Variants in GRIK4 observed in about 807,000 individuals in gnomAD.
GRIK4 encodes the protein glutamate receptor ionotropic, kainate 4.
In GRIK4, 40 loss-of-function variants were observed where a neutral mutation model predicts 104.9. That is an observed-to-expected ratio of 0.38 (90% CI 0.30 to 0.50). The LOEUF is 0.50. GRIK4 is among the 20% of genes least tolerant of loss of function. GRIK4 has a pLI of 0.93. For missense variants in GRIK4, 1,047 were observed against 1,308.1 expected, an observed-to-expected ratio of 0.80 and a Z score of 3.08; for synonymous variants, 485 against 524.9, an observed-to-expected ratio of 0.92 and a Z score of 1.04.
intron 1 of GRIK4, among the ~76,000 whole-genome samples, chr11:120,556,667 G>T (rs1948189445): frequency 6.6e-6 from 1 of 152,078 alleles, no homozygotes; most frequent in Non-Finnish European, 1.5e-5. Flanking sequence ...TTGGGAATGG[G>T]CTTAACCCGT....
chr11:120,873,832 A>G (rs1954681022), intron 9 of GRIK4: 3 of 463,238 alleles, frequency 6.5e-6, no homozygotes, highest in Non-Finnish European at 7.7e-6. Context: ...CAAGGCTTCA[A>G]TCCCAGAGAA....
chr11:120,743,409 CAG>C (rs1279218714), intron 3 of GRIK4, among the ~76,000 whole-genome samples: 2 of 151,884 alleles, frequency 1.3e-5, no homozygotes, highest in East Asian at 1.9e-4. Context: ...ATATCAGACA[CAG>C]GGGTCTACTT....
intron 17 of GRIK4, 81 bp from the exon 18 acceptor site, chr11:120,962,375 G>A (rs1182324810): frequency 2.3e-6 from 2 of 887,406 alleles, no homozygotes; most frequent in East Asian, 2.6e-5. Flanking sequence ...GCATCTTAAG[G>A]TGCACTTTGA....
At chr11:120,693,011 C>T (rs1229744460) in intron 3 of GRIK4, among the ~76,000 whole-genome samples, 2 of 151,996 alleles carry the variant, frequency 1.3e-5, no homozygotes, top group Non-Finnish European at 2.9e-5. Flanking sequence ...GGATTACAGG[C>T]GTGAGCCACT....
At chr11:120,873,949 T>G in intron 9 of GRIK4, 117 bp from the exon 10 acceptor site, 1 of 922,594 alleles carries the variant, frequency 1.1e-6, no homozygotes. Context: ...GCACTCTTAT[T>G]TCCCTTTCTT....
At chr11:120,938,354 C>G (rs1247470809) in intron 13 of GRIK4, among the ~76,000 whole-genome samples, 2 of 152,254 alleles carry the variant, frequency 1.3e-5, no homozygotes, top group Non-Finnish European at 2.9e-5. Flanking sequence ...CAGAATGGAT[C>G]ATTCACATTT....
At chr11:120,624,963 G>A (rs550822607) in intron 1 of GRIK4, among the ~76,000 whole-genome samples, 34 of 152,310 alleles carry the variant, frequency 2.2e-4, no homozygotes, top group Non-Finnish European at 4.6e-4. Context: ...TAGCAATCAT[G>A]CGCCTCATTT....
intron 3 of GRIK4, among the ~76,000 whole-genome samples, chr11:120,781,600 C>T (rs886561374): frequency 1.2e-4 from 18 of 152,204 alleles, no homozygotes; most frequent in African/African-American, 4.3e-4. Context: ...AGTCCTCCCA[C>T]CTTGGCCTCC....
Position 120,745,253 on chromosome 11 carries a change from C to T in GRIK4, c.83-57440C>T, listed in dbSNP as rs1951418764. On this transcript the variant is annotated intron_variant, in intron 3 of 20. Transcript: ENST00000527524. ...TTACTCCTGGATCCTGTGATTCTGC[C>T]TCTCTCTCGCCTGCCAAGTTAACCA... Among the ~76,000 whole-genome samples, 3 of 152,300 alleles carry T rather than the reference C, an allele frequency of 2.0e-5. 1 individual carries two copies. The South Asian group carries it at 6.2e-4, about 32-fold the overall frequency.
chr11:120,554,771 C>T (rs1005417429), intron 1 of GRIK4, among the ~76,000 whole-genome samples: 4 of 152,150 alleles, frequency 2.6e-5, no homozygotes, highest in African/African-American at 9.7e-5. Flanking sequence ...GTTAGCCAGG[C>T]TGGTCTCGAA....
rs532445675 is a variant in GRIK4 at position 120,645,755 on chromosome 11, G to A, written c.-158-7930G>A. Among the ~76,000 whole-genome samples the A allele has an allele frequency of 1.9e-4, 29 of 152,308 alleles. 2 individuals carry two copies. The South Asian group carries it at 5.4e-3, about 28-fold the overall frequency. ...CCTGAGAGTTCCCTATCTGGCGCCC[G>A]CCTTCACGTTCCCTTGCCTGCTGGC... On this transcript the variant is annotated intron_variant, in intron 1 of 20. Transcript: ENST00000527524.
chr11:120,740,481 G>T (rs1424936059), intron 3 of GRIK4, among the ~76,000 whole-genome samples: 1 of 152,156 alleles, frequency 6.6e-6, no homozygotes, highest in East Asian at 1.9e-4. Context: ...CTGTCCCGTG[G>T]CCCTGTCCCA....
chr11:120,610,245 G>A (rs1949017760), intron 1 of GRIK4, among the ~76,000 whole-genome samples: 1 of 152,212 alleles, frequency 6.6e-6, no homozygotes, highest in South Asian at 2.1e-4. Flanking sequence ...CCCCAGAACA[G>A]CCAAGTAATT....
chr11:120,807,643 T>A (rs989326813), intron 4 of GRIK4, among the ~76,000 whole-genome samples: 1 of 151,386 alleles, frequency 6.6e-6, no homozygotes, highest in African/African-American at 2.4e-5. Flanking sequence ...CAGAGTCAGT[T>A]GAAGTTGGCT....
At chr11:120,804,194 G>A (rs745376549) in intron 4 of GRIK4, among the ~76,000 whole-genome samples, 16 of 152,250 alleles carry the variant, frequency 1.1e-4, no homozygotes, top group African/African-American at 2.6e-4. Context: ...AAGAGTCCCC[G>A]TCTCCTCCCT....
Position 120,683,258 on chromosome 11 carries a change from A to G in GRIK4, c.82+22858A>G, listed in dbSNP as rs116424406. On this transcript the variant is annotated intron_variant, in intron 3 of 20. Coordinates refer to ENST00000527524, the MANE Select transcript of GRIK4 (RefSeq NM_014619.5). ...GAGGGTAACAATGGAGATGGTGAGA[A>G]GTAAACATCTTTTTGAAGTTGAACT... Among the ~76,000 whole-genome samples, 391 of 152,324 alleles carry G rather than the reference A, an allele frequency of 2.6e-3. 3 individuals are homozygous for G. Among genetic ancestry groups the G allele is most frequent in the African/African-American group, 9.0e-3 (374 of 41,578 alleles).
intron 3 of GRIK4, among the ~76,000 whole-genome samples, chr11:120,740,957 T>C (rs1371048090): frequency 6.6e-6 from 1 of 152,158 alleles, no homozygotes; most frequent in Non-Finnish European, 1.5e-5. Context: ...ACCTCACATT[T>C]CTGGGGTCTT....
intron 1 of GRIK4, among the ~76,000 whole-genome samples, chr11:120,519,581 A>G (rs1183127805): frequency 6.6e-6 from 1 of 152,234 alleles, no homozygotes; most frequent in Non-Finnish European, 1.5e-5. Flanking sequence ...AGTTTATGGT[A>G]TTTTGTTACA....
At chr11:120,782,078 C>T (rs1952168922) in intron 3 of GRIK4, among the ~76,000 whole-genome samples, 1 of 152,138 alleles carries the variant, frequency 6.6e-6, no homozygotes, top group East Asian at 1.9e-4. Context: ...TGACCACCCC[C>T]CATCATTCTC....
Sources: gnomAD v4.1 joint callset for allele counts (sites outside exome capture counted in the v4.1 genomes callset) on GRCh38, gnomAD v4.1.1 for gene constraint, MANE v1.5 for transcripts, NCBI Gene and HGNC (gene_info 2026-07-23, HGNC 2026-07-21) for gene names.